Variants in AKAP12 observed in about 807,000 individuals in gnomAD.
AKAP12 encodes the protein A-kinase anchoring protein 12.
In AKAP12, 32 loss-of-function variants were observed where a neutral mutation model predicts 79.9. The ratio of observed to expected loss-of-function variants is 0.40; its 90% CI spans 0.30 to 0.54. The LOEUF is 0.54. Among genes scored for constraint, AKAP12 ranks in the 20% least tolerant of loss-of-function variants. The probability of loss-of-function intolerance (pLI) is 0.48; values close to 1 mark genes in which losing one functional copy is unlikely to be tolerated. For missense variants in AKAP12, 2,074 were observed against 2,177.0 expected (o/e 0.95, Z 0.94); for synonymous variants, 808 against 857.0 (o/e 0.94, Z 1.00).
At chr6:151,241,961 T>G (rs1796984986) in intron 2 of AKAP12, among the ~76,000 whole-genome samples, 1 of 152,168 alleles carries the variant, frequency 6.6e-6, no homozygotes, top group Admixed American at 6.5e-5. Context: ...TCATAACTAC[T>G]TGTAAAATCC....
At chr6:151,343,916 TTTCAGAATACTA>T (rs1209483243) in intron 3 of AKAP12, 1 of 439,894 alleles carries the variant, frequency 2.3e-6, no homozygotes, top group South Asian at 1.7e-5. Flanking sequence ...CATTTTCTTA[TTTCAGAATACTA>T]TACATGCTTT....
At chr6:151,291,472 C>A (rs1370372647) in intron 2 of AKAP12, among the ~76,000 whole-genome samples, 1 of 152,162 alleles carries the variant, frequency 6.6e-6, no homozygotes, top group African/African-American at 2.4e-5. Flanking sequence ...TTACCATTGC[C>A]TGCCCCTTAG....
intron 3 of AKAP12, among the ~76,000 whole-genome samples, chr6:151,326,204 GAAC>G (rs1777520686): frequency 6.6e-6 from 1 of 152,172 alleles, no homozygotes; most frequent in African/African-American, 2.4e-5. Flanking sequence ...ATGTGGAGAG[GAAC>G]AACAGCAGCC....
At chr6:151,267,243 A>G (rs1776066693) in intron 2 of AKAP12, among the ~76,000 whole-genome samples, 2 of 152,158 alleles carry the variant, frequency 1.3e-5, no homozygotes, top group South Asian at 4.1e-4. Context: ...TTGATTTTAT[A>G]TTCACTGTAA....
At chr6:151,337,497 A>G (rs1158821540) in intron 3 of AKAP12, among the ~76,000 whole-genome samples, 2 of 138,628 alleles carry the variant, frequency 1.4e-5, no homozygotes, top group Non-Finnish European at 3.0e-5. Context: ...GCTGGGCAAT[A>G]AGAGTTTCCG....
At position 151,257,576 on chromosome 6, in the gene AKAP12, C is replaced by T. The variant is rs555735511; in HGVS notation, c.162+16852C>T. Reference sequence around the variant, plus strand: ...CTTCCCAAAATGCTGAGATTATAGGCGTGAGCCACTGCACCCAGCCTAGCT... The same window carrying T: ...CTTCCCAAAATGCTGAGATTATAGGTGTGAGCCACTGCACCCAGCCTAGCT... On this transcript the variant is annotated intron_variant, in intron 2 of 4. Transcript: ENST00000402676. Among the ~76,000 whole-genome samples the T allele has an allele frequency of 4.6e-5, 7 of 152,328 alleles. No individual in the cohort carries two copies. In the East Asian group the frequency reaches 5.8e-4, roughly 13 times the overall value.
intron 3 of AKAP12, among the ~76,000 whole-genome samples, chr6:151,334,790 T>G (rs1191300620): frequency 6.7e-6 from 1 of 149,676 alleles, no homozygotes; most frequent in Non-Finnish European, 1.5e-5. Flanking sequence ...TTCGGCTGAT[T>G]TTTTGTATTT....
At chr6:151,241,174 G>C (rs1234438431) in intron 2 of AKAP12, among the ~76,000 whole-genome samples, 1 of 152,186 alleles carries the variant, frequency 6.6e-6, no homozygotes, top group Non-Finnish European at 1.5e-5. Flanking sequence ...AGCCCGCCGG[G>C]GAGCCCAGCC....
At chr6:151,338,270 C>T (rs1011357051) in intron 3 of AKAP12, among the ~76,000 whole-genome samples, 11 of 152,138 alleles carry the variant, frequency 7.2e-5, no homozygotes, top group Admixed American at 1.3e-4. Context: ...CTTTGCATTA[C>T]AATATCCACC....
chr6:151,326,028 G>A (rs1747268276), intron 3 of AKAP12: 4 of 1,147,692 alleles, frequency 3.5e-6, no homozygotes, highest in Non-Finnish European at 3.8e-6. Context: ...ATTTCTCTCC[G>A]TGTACTGAGT....
chr6:151,292,105 C>A (rs1776635323), intron 2 of AKAP12, among the ~76,000 whole-genome samples: 1 of 152,216 alleles, frequency 6.6e-6, no homozygotes, highest in South Asian at 2.1e-4. Flanking sequence ...AAATTTGCTA[C>A]TTTTTCATTC....
chr6:151,351,848 G>A lies in AKAP12; in HGVS notation c.3457G>A (p.Val1153Met). 1 of 1,614,116 alleles carries A rather than the reference G, an allele frequency of 6.2e-7. No homozygotes were observed. The highest frequency in any genetic ancestry group is 1.3e-5 in the African/African-American group (1 of 75,016). ...AGCTGGGGTAAAATCACAGGAGATGGTGATGGAACAGGCTATCCCCCCTGA... is the reference window on the plus strand; with the variant it reads ...AGCTGGGGTAAAATCACAGGAGATGATGATGGAACAGGCTATCCCCCCTGA... ...TLAGVKSQEM[V>M]MEQAIPPDSV... Residue 1153 changes from valine to methionine, a missense_variant, in exon 4 of 5, where the codon GTG becomes ATG. By Grantham distance (21) the Val-to-Met change is conservative. Transcript: ENST00000402676. The surrounding 1 kb of genome is among the most constrained non-coding windows in gnomAD (Gnocchi z 4.4).
intron 2 of AKAP12, among the ~76,000 whole-genome samples, chr6:151,248,727 C>T (rs922570503): frequency 5.3e-5 from 8 of 152,130 alleles, no homozygotes; most frequent in Admixed American, 1.3e-4. Flanking sequence ...TGGTGGCTCA[C>T]GCCTGTAATC....
intron 3 of AKAP12, among the ~76,000 whole-genome samples, chr6:151,345,924 TGTGTGTGTGAGA>T (rs1354994196): frequency 2.9e-5 from 3 of 103,928 alleles, no homozygotes; most frequent in African/African-American, 9.5e-5. Context: ...TGTGTGTGTG[TGTGTGTGTGAGA>T]GAGAGAGAGA....
intron 3 of AKAP12, among the ~76,000 whole-genome samples, chr6:151,319,459 A>ATCTG (rs1297312759): frequency 2.1e-5 from 3 of 142,368 alleles, no homozygotes; most frequent in Non-Finnish European, 4.5e-5. Flanking sequence ...CTATCTATCT[A>ATCTG]TCTATCTATC....
chr6:151,248,786 A>C (rs1023771130), intron 2 of AKAP12, among the ~76,000 whole-genome samples: 1 of 152,130 alleles, frequency 6.6e-6, no homozygotes, highest in Non-Finnish European at 1.5e-5. Flanking sequence ...TCAGCAGTTC[A>C]AGACCAGCCT....
intron 2 of AKAP12, among the ~76,000 whole-genome samples, chr6:151,256,329 G>A (rs1185510272): frequency 6.6e-6 from 1 of 152,118 alleles, no homozygotes; most frequent in Non-Finnish European, 1.5e-5. Context: ...AATACAGTTT[G>A]GAAAGGCCAG....
intron 2 of AKAP12, among the ~76,000 whole-genome samples, chr6:151,256,487 A>T (rs113311388): frequency 2.2e-3 from 340 of 152,212 alleles, no homozygotes; most frequent in African/African-American, 7.3e-3. Context: ...CTAACTTTAT[A>T]TTCTAATCTG....
intron 2 of AKAP12, among the ~76,000 whole-genome samples, chr6:151,268,945 G>GTTTTTTTTTTTTTTT (rs558502756): frequency 1.3e-5 from 1 of 77,432 alleles, no homozygotes; most frequent in African/African-American, 5.1e-5. Context: ...TGCTCGGCCT[G>GTTTTTTTTTTTTTTT]TTTTTTTTTT....
Sources: allele counts gnomAD v4.1 joint callset (sites outside exome capture counted in the v4.1 genomes callset), GRCh38; gene constraint gnomAD v4.1.1; non-coding constraint Gnocchi (gnomAD v3.1); transcripts MANE v1.5; gene names NCBI Gene and HGNC (gene_info 2026-07-23, HGNC 2026-07-21).